SRGAP3: variants seen among roughly 807,000 people sequenced by gnomAD.
The protein encoded by SRGAP3 is SLIT-ROBO Rho GTPase-activating protein 3.
In SRGAP3, 39 loss-of-function variants were observed where a neutral mutation model predicts 121.1. The ratio of observed to expected loss-of-function variants is 0.32; its 90% CI spans 0.25 to 0.42. SRGAP3 has a LOEUF of 0.42. Ranked by LOEUF, SRGAP3 falls within the 10% of genes least tolerant of loss-of-function variation. The pLI, the probability that SRGAP3 is intolerant of heterozygous loss-of-function variation, is 1.00. For missense variants in SRGAP3, 1,213 were observed against 1,470.6 expected, an observed-to-expected ratio of 0.82 and a Z score of 2.86; for synonymous variants, 601 against 570.0, an observed-to-expected ratio of 1.05 and a Z score of -0.77.
At chr3:9,274,588 A>T (rs1954536535) in intron 3 of SRGAP3, among the ~76,000 whole-genome samples, 1 of 152,212 alleles carries the variant, frequency 6.6e-6, no homozygotes, top group Non-Finnish European at 1.5e-5. Flanking sequence ...AAGTGTTAAC[A>T]GCTCGGTGGA....
chr3:9,004,715 G>A (rs1942967820), intron 18 of SRGAP3, among the ~76,000 whole-genome samples: 1 of 152,178 alleles, frequency 6.6e-6, no homozygotes, highest in Admixed American at 6.5e-5. Flanking sequence ...GACAACTGGA[G>A]AGCCACATAC....
chr3:9,360,204 C>A (rs781673266), intron 1 of SRGAP3, among the ~76,000 whole-genome samples: 1 of 152,180 alleles, frequency 6.6e-6, no homozygotes, highest in Non-Finnish European at 1.5e-5. Context: ...GCTAGAATTA[C>A]AGGCATGAGC....
intron 1 of SRGAP3, among the ~76,000 whole-genome samples, chr3:9,152,673 G>A (rs991682140): frequency 2.6e-5 from 4 of 152,196 alleles, no homozygotes; most frequent in South Asian, 2.1e-4. Flanking sequence ...AGGAGAGGCC[G>A]AACTTTGTTC....
rs1941383489 is a variant in SRGAP3, at chr3:8,980,900, C to G, written c.*4619G>C. ...CAAACCTATTGCCAAACCATGTAAACAGTCACACTGCCGGGAACAAGGGCC... is the reference window on the plus strand; with the variant it reads ...CAAACCTATTGCCAAACCATGTAAAGAGTCACACTGCCGGGAACAAGGGCC... On this transcript the variant is annotated 3_prime_UTR_variant, in exon 22 of 22. Transcript: ENST00000383836. 1 of 233,484 alleles carries G rather than the reference C, an allele frequency of 4.3e-6. No homozygotes were observed. The highest frequency in any genetic ancestry group is 8.5e-6 in the Non-Finnish European group (1 of 117,926). 14.5% of individuals were successfully genotyped at this position (233,484 alleles called of 1,614,324 possible).
At chr3:8,992,689 C>A in intron 20 of SRGAP3, 2 of 679,506 alleles carry the variant, frequency 2.9e-6, no homozygotes, top group South Asian at 3.5e-5. Context: ...CAACACATGT[C>A]TTTCCTCCTC....
intron 1 of SRGAP3, among the ~76,000 whole-genome samples, chr3:9,156,554 C>A (rs998330549): frequency 6.6e-6 from 1 of 152,224 alleles, no homozygotes; most frequent in Admixed American, 6.5e-5. Context: ...GAGAAGCTTT[C>A]TTTCTAACCT....
chr3:9,213,334 A>C (rs1267932510), intron 1 of SRGAP3, among the ~76,000 whole-genome samples: 1 of 152,100 alleles, frequency 6.6e-6, no homozygotes, highest in Non-Finnish European at 1.5e-5. Flanking sequence ...ATCTGAAAAA[A>C]AAAAAATGCA....
At chr3:9,098,536 A>G in intron 3 of SRGAP3, among the ~76,000 whole-genome samples, 1 of 152,198 alleles carries the variant, frequency 6.6e-6, no homozygotes, top group Admixed American at 6.5e-5. Flanking sequence ...AAGTGCTGGG[A>G]TCACAGGTGT....
intron 1 of SRGAP3, among the ~76,000 whole-genome samples, chr3:9,152,832 C>G (rs905113314): frequency 6.8e-6 from 1 of 147,666 alleles, no homozygotes; most frequent in Non-Finnish European, 1.5e-5. Context: ...CAGAGGCAGC[C>G]CACATCCACG....
At chr3:9,145,604 A>G (rs1949996030) in intron 1 of SRGAP3, among the ~76,000 whole-genome samples, 1 of 152,222 alleles carries the variant, frequency 6.6e-6, no homozygotes, top group African/African-American at 2.4e-5. Context: ...AAAAGAATGT[A>G]CAACCCTGGG....
rs12635189 is a variant in SRGAP3 at position 9,047,837 on chromosome 3, G to A, written c.1324-362C>T. Among the ~76,000 whole-genome samples, 1,232 of 152,298 alleles carry A rather than the reference G, an allele frequency of 8.1e-3. 29 individuals carry two copies. Among genetic ancestry groups the A allele is most frequent in the East Asian group, 0.066 (338 of 5,160 alleles). On this transcript the variant is annotated intron_variant, in intron 9 of 21. Coordinates refer to ENST00000383836, the MANE Select transcript of SRGAP3 (RefSeq NM_014850.4). ...CATCAAAGCTCCACTGTGCTTCTGCGCCAAGAGCAATAAAAATGGGAGCCG... is the reference window on the plus strand; with the variant it reads ...CATCAAAGCTCCACTGTGCTTCTGCACCAAGAGCAATAAAAATGGGAGCCG...
chr3:9,300,087 T>G (rs899120373), intron 3 of SRGAP3, among the ~76,000 whole-genome samples: 2 of 140,860 alleles, frequency 1.4e-5, no homozygotes, highest in African/African-American at 2.6e-5. Flanking sequence ...AGATAATGTA[T>G]GAGAAATACT....
intron 10 of SRGAP3, among the ~76,000 whole-genome samples, chr3:9,043,334 T>C (rs1276453613): frequency 2.0e-5 from 3 of 152,136 alleles, no homozygotes; most frequent in Non-Finnish European, 4.4e-5. Context: ...CATTGTTTAC[T>C]TAGTAGTTTG....
chr3:9,098,912 G>T (rs545005159), intron 3 of SRGAP3, among the ~76,000 whole-genome samples: 4 of 152,118 alleles, frequency 2.6e-5, no homozygotes, highest in African/African-American at 9.7e-5. Context: ...CATCTCCCTG[G>T]GAGACGGTGG....
At chr3:9,107,501 T>A (rs1410435514) in intron 2 of SRGAP3, among the ~76,000 whole-genome samples, 1 of 152,322 alleles carries the variant, frequency 6.6e-6, no homozygotes, top group South Asian at 2.1e-4. Flanking sequence ...CAGTCCCTGC[T>A]CTTCTCATGA....
At chr3:9,294,955 T>C (rs1954928777) in intron 3 of SRGAP3, among the ~76,000 whole-genome samples, 2 of 152,164 alleles carry the variant, frequency 1.3e-5, no homozygotes, top group African/African-American at 2.4e-5. Flanking sequence ...TCCAATATTA[T>C]TGCTAGCATT....
At chr3:9,147,926 T>C (rs987138311) in intron 1 of SRGAP3, among the ~76,000 whole-genome samples, 3 of 152,160 alleles carry the variant, frequency 2.0e-5, no homozygotes, top group Non-Finnish European at 4.4e-5. Flanking sequence ...CTCCCTCCCA[T>C]CTTTCAGAAG....
At chr3:9,054,285 C>T (rs948706420) in intron 8 of SRGAP3, among the ~76,000 whole-genome samples, 1 of 152,198 alleles carries the variant, frequency 6.6e-6, no homozygotes, top group Non-Finnish European at 1.5e-5. Context: ...TTAGAACAGA[C>T]TCTTTAAGTC....
chr3:9,170,291 C>T (rs1373905146), intron 1 of SRGAP3, among the ~76,000 whole-genome samples: 1 of 152,200 alleles, frequency 6.6e-6, no homozygotes, highest in African/African-American at 2.4e-5. Flanking sequence ...GTGCAATGAA[C>T]TCCATACACT....
Sources: gnomAD v4.1 joint callset for allele counts (sites outside exome capture counted in the v4.1 genomes callset) on GRCh38, gnomAD v4.1.1 for gene constraint, MANE v1.5 for transcripts, NCBI Gene and HGNC (gene_info 2026-07-23, HGNC 2026-07-21) for gene names.